Variants in GRB2 observed in about 807,000 individuals in gnomAD.
The protein encoded by GRB2 is growth factor receptor bound protein 2.
Under a neutral mutation model 27.4 loss-of-function variants are expected in GRB2, and 2 were observed. The ratio of observed to expected loss-of-function variants is 0.07; its 90% CI spans 0.03 to 0.23. The LOEUF is 0.23. GRB2 is among the 10% of genes least tolerant of loss of function. The pLI is 1.00. For synonymous variants in GRB2, 94 were observed against 99.6 expected (o/e 0.94, Z 0.33); for missense variants, 102 against 282.4 (o/e 0.36, Z 4.58).
At chr17:75,342,487 C>G (rs1321913881) in intron 2 of GRB2, among the ~76,000 whole-genome samples, 2 of 152,084 alleles carry the variant, frequency 1.3e-5, no homozygotes, top group African/African-American at 4.8e-5. Flanking sequence ...CCCGGCTGTT[C>G]TCCAATTCCT....
chr17:75,338,332 T>C lies in GRB2; in HGVS notation c.79-5535A>G, dbSNP rs535075744. On this transcript the variant is annotated intron_variant, in intron 2 of 5. Transcript: ENST00000316804. Reference sequence around the variant, plus strand: ...TGCCCACCTTGGCCTCCCAAAGTGCTGGGATTACAGGCATGAGCCACCGTG... The same window carrying C: ...TGCCCACCTTGGCCTCCCAAAGTGCCGGGATTACAGGCATGAGCCACCGTG... 1.6e-4 allele frequency among the ~76,000 whole-genome samples: 25 copies of C among 152,300 alleles called. No individual in the cohort carries two copies. The East Asian group carries it at 4.6e-3, about 28-fold the overall frequency.
chr17:75,389,535 A>T lies in GRB2; in HGVS notation c.78+4016T>A, dbSNP rs143906813. ...ACCATTTCCTCATCTGTAAAAGAGT[A>T]AGTCTAACTTAAGAAATTTTAAAAG... On this transcript the variant is annotated intron_variant, in intron 2 of 5. Transcript: ENST00000316804. Among the ~76,000 whole-genome samples, 724 of 152,344 alleles carry T rather than the reference A, an allele frequency of 4.8e-3. 4 individuals carry two copies. Among genetic ancestry groups the T allele is most frequent in the African/African-American group, 0.016 (674 of 41,580 alleles).
intron 2 of GRB2, among the ~76,000 whole-genome samples, chr17:75,375,853 G>A (rs1178275395): frequency 6.6e-6 from 1 of 151,668 alleles, no homozygotes; most frequent in East Asian, 1.9e-4. Context: ...GTGAAACCCT[G>A]TATCTACTAA....
intron 2 of GRB2, 81 bp from the exon 3 acceptor site, chr17:75,332,878 C>T: frequency 2.3e-6 from 2 of 883,244 alleles, no homozygotes; most frequent in Non-Finnish European, 3.6e-6. Flanking sequence ...ATTATGCTAT[C>T]TTTTAGGTCT....
At position 75,358,700 on chromosome 17, in the gene GRB2, T is replaced by TAAA. The variant is rs71159497; in HGVS notation, c.79-25906_79-25904dup. ...CAACATGGCGAAATCCCATCTCTAC[T>TAAA]AAAAAAAAAAAAAAAAAAAAAAAAA... On this transcript the variant is annotated intron_variant, in intron 2 of 5. Transcript: ENST00000316804. Among the ~76,000 whole-genome samples, 102 of 66,282 alleles carry TAAA rather than the reference T, an allele frequency of 1.5e-3. 5 individuals carry two copies. Among genetic ancestry groups the TAAA allele is most frequent in the African/African-American group, 4.3e-3 (97 of 22,322 alleles). 43.5% of individuals were successfully genotyped at this position (66,282 alleles called of 152,430 possible).
intron 2 of GRB2, chr17:75,339,128 G>A: frequency 2.3e-6 from 3 of 1,309,030 alleles, no homozygotes; most frequent in Non-Finnish European, 3.3e-6. Flanking sequence ...AAGAGAAAGG[G>A]CCAAGTGATC....
At chr17:75,371,836 C>T (rs1274128222) in intron 2 of GRB2, 2 of 151,870 alleles carry the variant, frequency 1.3e-5, no homozygotes, top group African/African-American at 4.8e-5. Context: ...TCACCCAACC[C>T]ATTATTTCTG....
intron 2 of GRB2, among the ~76,000 whole-genome samples, chr17:75,352,189 A>G (rs966776322): frequency 6.6e-6 from 1 of 152,138 alleles, no homozygotes; most frequent in Non-Finnish European, 1.5e-5. Context: ...GTTCAGGTTC[A>G]CTGGGAGGGC....
intron 1 of GRB2, among the ~76,000 whole-genome samples, chr17:75,396,883 C>T (rs562706839): frequency 6.6e-6 from 1 of 152,088 alleles, no homozygotes; most frequent in South Asian, 2.1e-4. Flanking sequence ...AATGAAAAGC[C>T]CTGTCACTTT....
intron 2 of GRB2, among the ~76,000 whole-genome samples, chr17:75,343,074 T>C (rs1478350378): frequency 2.2e-5 from 1 of 44,988 alleles, no homozygotes; most frequent in African/African-American, 7.4e-5. Context: ...GGTATAAGAT[T>C]GGGAAGGAGT....
chr17:75,369,456 A>G (rs2078841578), intron 2 of GRB2, among the ~76,000 whole-genome samples: 1 of 152,152 alleles, frequency 6.6e-6, no homozygotes, highest in African/African-American at 2.4e-5. Context: ...TTATATTGAG[A>G]AAAACTCCCA....
intron 3 of GRB2, among the ~76,000 whole-genome samples, chr17:75,329,669 G>C (rs1334166714): frequency 6.6e-6 from 1 of 152,084 alleles, no homozygotes; most frequent in African/African-American, 2.4e-5. Context: ...AAGGTGGGAG[G>C]ATTGCTTAAG....
chr17:75,346,162 ATT>A lies in GRB2; in HGVS notation c.79-13367_79-13366del, dbSNP rs67737628. ...TCAGTGGTCTTCCTCTCGGCCACTG[ATT>A]TTTTTTTTTTTTTTTTCTGAAAACT... On this transcript the variant is annotated intron_variant, in intron 2 of 5. Coordinates refer to ENST00000316804, the MANE Select transcript of GRB2 (RefSeq NM_002086.5). 2.5e-3 allele frequency among the ~76,000 whole-genome samples: 336 copies of A among 134,226 alleles called. 2 individuals carry two copies. The highest frequency in any genetic ancestry group is 8.3e-3 in the African/African-American group (303 of 36,318). The allele number at this position is 134,226 out of a possible 152,430, so 88.1% of individuals were successfully genotyped here. A position where few individuals can be genotyped will look rare whatever the true frequency, so the allele number is the denominator to read the frequency against.
intron 1 of GRB2, among the ~76,000 whole-genome samples, chr17:75,399,254 T>C (rs989463112): frequency 4.8e-4 from 73 of 151,768 alleles, no homozygotes; most frequent in African/African-American, 1.7e-3. Context: ...GGACTCACCA[T>C]GTTGCCCAAG....
intron 1 of GRB2, among the ~76,000 whole-genome samples, chr17:75,404,388 G>C (rs2079084427): frequency 6.6e-6 from 1 of 151,986 alleles, no homozygotes; most frequent in South Asian, 2.1e-4. Context: ...ACGCGCAAAA[G>C]TAAAGGAACG....
At chr17:75,379,639 G>A (rs1053037616) in intron 2 of GRB2, among the ~76,000 whole-genome samples, 1 of 151,888 alleles carries the variant, frequency 6.6e-6, no homozygotes, top group Non-Finnish European at 1.5e-5. Context: ...AGCTCAAGTG[G>A]TCCTCCCACT....
intron 3 of GRB2, among the ~76,000 whole-genome samples, chr17:75,329,796 G>A (rs1314239796): frequency 1.3e-5 from 2 of 152,146 alleles, no homozygotes; most frequent in Admixed American, 1.3e-4. Flanking sequence ...GGAGACTAAG[G>A]TGGGAGGATA....
chr17:75,400,656 T>G (rs753720737), intron 1 of GRB2, among the ~76,000 whole-genome samples: 4 of 151,858 alleles, frequency 2.6e-5, no homozygotes, highest in Non-Finnish European at 1.5e-5. Context: ...TTTTCTTTTT[T>G]TGTGTGTTTG....
chr17:75,334,471 G>C (rs531274376), intron 2 of GRB2, among the ~76,000 whole-genome samples: 1 of 151,950 alleles, frequency 6.6e-6, no homozygotes, highest in Non-Finnish European at 1.5e-5. Context: ...GTGCCCAGCC[G>C]ATTTATTTAT....
Sources: gnomAD v4.1 joint callset for allele counts (sites outside exome capture counted in the v4.1 genomes callset) on GRCh38, gnomAD v4.1.1 for gene constraint, MANE v1.5 for transcripts, NCBI Gene and HGNC (gene_info 2026-07-23, HGNC 2026-07-21) for gene names.